The following AKAP6 variants were observed in gnomAD, a reference collection of about 807,000 sequenced individuals.
AKAP6 encodes A-kinase anchor protein 6.
AKAP6 carries 58 observed loss-of-function variants against 188.5 expected under a neutral mutation model. The observed-to-expected ratio is 0.31, with a 90% confidence interval of 0.25 to 0.38. AKAP6 has a LOEUF of 0.38. AKAP6 is among the 10% of genes least tolerant of loss of function. AKAP6 has a pLI of 1.00. For synonymous variants in AKAP6, 989 were observed against 998.6 expected (o/e 0.99, Z 0.18); for missense variants, 2,710 against 2,740.0 (o/e 0.99, Z 0.24).
chr14:32,677,209 T>C (rs1889467687), intron 7 of AKAP6, among the ~76,000 whole-genome samples: 1 of 152,142 alleles, frequency 6.6e-6, no homozygotes, highest in East Asian at 1.9e-4. Context: ...TTTATAATAT[T>C]CACTTTTTCT....
intron 5 of AKAP6, among the ~76,000 whole-genome samples, chr14:32,591,125 C>T (rs528234269): frequency 1.1e-4 from 16 of 152,318 alleles, no homozygotes; most frequent in Admixed American, 2.6e-4. Flanking sequence ...TGTGAATCCA[C>T]ATCTGTAGGG....
At chr14:32,377,843 A>T (rs1424920932) in intron 1 of AKAP6, among the ~76,000 whole-genome samples, 1 of 152,132 alleles carries the variant, frequency 6.6e-6, no homozygotes, top group African/African-American at 2.4e-5. Flanking sequence ...GAGAAGATAA[A>T]CTGTACTTGG....
chr14:32,559,773 T>A (rs1224250646), intron 4 of AKAP6, among the ~76,000 whole-genome samples: 1 of 149,870 alleles, frequency 6.7e-6, no homozygotes, highest in African/African-American at 2.5e-5. Context: ...GGTAGTCCTC[T>A]AAGCCTAATC....
chr14:32,719,274 C>T (rs1044193844), intron 9 of AKAP6, among the ~76,000 whole-genome samples: 2 of 152,192 alleles, frequency 1.3e-5, no homozygotes, highest in Non-Finnish European at 2.9e-5. Flanking sequence ...CACCTACCAT[C>T]GCATGGTAAA....
intron 7 of AKAP6, among the ~76,000 whole-genome samples, chr14:32,604,489 C>A (rs944941260): frequency 5.3e-5 from 8 of 152,128 alleles, no homozygotes; most frequent in Non-Finnish European, 1.2e-4. Context: ...ATGAAAAAAT[C>A]AGAATGCTCA....
chr14:32,826,022 A>G (rs757154215), intron 13 of AKAP6, among the ~76,000 whole-genome samples: 1 of 152,204 alleles, frequency 6.6e-6, no homozygotes, highest in Non-Finnish European at 1.5e-5. Flanking sequence ...CCCATAATGT[A>G]TTATGAAAAA....
At chr14:32,651,279 T>C (rs1024317418) in intron 7 of AKAP6, among the ~76,000 whole-genome samples, 3 of 152,192 alleles carry the variant, frequency 2.0e-5, no homozygotes, top group Non-Finnish European at 4.4e-5. Flanking sequence ...ATGATTATTG[T>C]AGTGTCACGG....
chr14:32,432,416 C>T (rs184147379), intron 1 of AKAP6, among the ~76,000 whole-genome samples: 159 of 152,208 alleles, frequency 1.0e-3, no homozygotes, highest in African/African-American at 3.5e-3. Context: ...TGATGAATTA[C>T]ACTTATGTTA....
chr14:32,718,137 T>A (rs1285450807), intron 9 of AKAP6, among the ~76,000 whole-genome samples: 3 of 152,180 alleles, frequency 2.0e-5, no homozygotes, highest in Non-Finnish European at 4.4e-5. Flanking sequence ...ATTCTATTTG[T>A]GGATTTTAGT....
rs188196410 is a variant in AKAP6, at chr14:32,621,949, A to G, written c.2730+21157A>G. On this transcript the variant is annotated intron_variant, in intron 7 of 13. Coordinates refer to ENST00000280979, the MANE Select transcript of AKAP6 (RefSeq NM_004274.5). The stretch of plus-strand genomic sequence containing the variant: ...TTTTCATTTAAGTATTATAATTGTT[A>G]TTGAGCTCCCAGAGGGGACAGTCAA... Among the ~76,000 whole-genome samples the G allele has an allele frequency of 9.1e-3, 1,385 of 152,250 alleles. 6 individuals are homozygous for G. The highest frequency in any genetic ancestry group is 0.017 in the South Asian group (83 of 4,832).
chr14:32,509,451 T>C (rs1881059402), intron 2 of AKAP6, among the ~76,000 whole-genome samples: 2 of 152,172 alleles, frequency 1.3e-5, no homozygotes, highest in African/African-American at 2.4e-5. Flanking sequence ...GTAAACAAGA[T>C]GGACACAGTC....
rs573076103 is a variant in AKAP6 at position 32,699,076 on chromosome 14, A to G, written c.3000+2966A>G. 1.1e-4 allele frequency among the ~76,000 whole-genome samples: 16 copies of G among 152,302 alleles called. No individual in the cohort carries two copies. The East Asian group carries it at 3.1e-3, about 29-fold the overall frequency. ...AGGTTGATCCCCAAGGTATGTGTTT[A>G]GAAATGTCAGGTTAGATAAAATCTA... is the stretch of plus-strand genomic sequence containing the variant. On this transcript the variant is annotated intron_variant, in intron 9 of 13. Transcript: ENST00000280979.
At chr14:32,813,021 T>C (rs2034277592) in intron 12 of AKAP6, among the ~76,000 whole-genome samples, 1 of 152,116 alleles carries the variant, frequency 6.6e-6, no homozygotes, top group Non-Finnish European at 1.5e-5. Context: ...TAGCATCAGA[T>C]CCCATACGGG....
Position 32,710,851 on chromosome 14 carries a change from A to T in AKAP6, c.3000+14741A>T, listed in dbSNP as rs55683280. Among the ~76,000 whole-genome samples the T allele has an allele frequency of 2.9e-3, 439 of 152,204 alleles. 1 individual carries two copies. Among genetic ancestry groups the T allele is most frequent in the Non-Finnish European group, 5.2e-3 (356 of 67,978 alleles). ...AACAGAATCGGGGCTGACAACTATG[A>T]CCTGCAGGTCACATGCAGCCTACCA... On this transcript the variant is annotated intron_variant, in intron 9 of 13. Transcript: ENST00000280979.
chr14:32,728,200 A>ATTTTTTT (rs3033287), intron 9 of AKAP6, among the ~76,000 whole-genome samples: 1 of 71,066 alleles, frequency 1.4e-5, no homozygotes, highest in Non-Finnish European at 2.7e-5. Flanking sequence ...ACATCCCTGG[A>ATTTTTTT]TTTTTTTTTT....
chr14:32,348,770 C>G (rs893492565), intron 1 of AKAP6, among the ~76,000 whole-genome samples: 1 of 152,160 alleles, frequency 6.6e-6, no homozygotes, highest in Non-Finnish European at 1.5e-5. Flanking sequence ...CTGATACATG[C>G]TAAACCAGGG....
At chr14:32,768,908 G>T (rs750509274) in intron 11 of AKAP6, among the ~76,000 whole-genome samples, 4 of 151,970 alleles carry the variant, frequency 2.6e-5, no homozygotes, top group African/African-American at 7.3e-5. Context: ...ATACTGCTTG[G>T]CGTGGGCACC....
intron 2 of AKAP6, chr14:32,473,868 T>C (rs1878913789): frequency 6.6e-6 from 1 of 152,420 alleles, no homozygotes; most frequent in Non-Finnish European, 1.5e-5. Flanking sequence ...GATCTGCTGC[T>C]GTTCTCAATG....
chr14:32,440,759 A>G (rs992149735), intron 2 of AKAP6, among the ~76,000 whole-genome samples: 4 of 152,200 alleles, frequency 2.6e-5, no homozygotes, highest in Non-Finnish European at 5.9e-5. Context: ...CAAATCTCTG[A>G]AAATTGGAAG....
Sources: allele counts gnomAD v4.1 joint callset (sites outside exome capture counted in the v4.1 genomes callset), GRCh38; gene constraint gnomAD v4.1.1; transcripts MANE v1.5; gene names NCBI Gene and HGNC (gene_info 2026-07-23, HGNC 2026-07-21).